Variants in ARHGEF33 observed in about 807,000 individuals in gnomAD.
The protein encoded by ARHGEF33 is Rho guanine nucleotide exchange factor 33, also known as DH and coiled-coil domain-containing protein ENSP00000381780.
In ARHGEF33, 72 loss-of-function variants were observed where a neutral mutation model predicts 101.9. The ratio of observed to expected loss-of-function variants is 0.71; its 90% confidence interval spans 0.58 to 0.86. The LOEUF (loss-of-function observed/expected upper bound fraction) is 0.86, where lower values mean the gene tolerates loss of function less well. Ranked by LOEUF, ARHGEF33 falls within the 40% of genes least tolerant of loss-of-function variation. ARHGEF33 has a pLI of 0.00. For missense variants in ARHGEF33, 1,169 were observed against 1,111.3 expected, an observed-to-expected ratio of 1.05 and a Z score of -0.74; for synonymous variants, 499 against 442.5, an observed-to-expected ratio of 1.13 and a Z score of -1.60.
At chr2:38,910,318 C>T (rs1666480983) in intron 2 of ARHGEF33, among the ~76,000 whole-genome samples, 1 of 152,174 alleles carries the variant, frequency 6.6e-6, no homozygotes, top group Non-Finnish European at 1.5e-5. Flanking sequence ...TGCCTGTAAT[C>T]CTAGCACTTT....
intron 2 of ARHGEF33, among the ~76,000 whole-genome samples, chr2:38,896,297 C>G (rs944413975): frequency 2.6e-5 from 4 of 152,128 alleles, no homozygotes; most frequent in African/African-American, 9.7e-5. Context: ...CGCCACCATG[C>G]CCAGCTAATT....
At chr2:38,925,126 T>C (rs1666843035) in intron 4 of ARHGEF33, among the ~76,000 whole-genome samples, 1 of 152,188 alleles carries the variant, frequency 6.6e-6, no homozygotes, top group Admixed American at 6.5e-5. Flanking sequence ...TTCAAGCATA[T>C]AAACATCTGC....
At chr2:38,944,896 TGTGTGC>T (rs1243880915) in intron 10 of ARHGEF33, among the ~76,000 whole-genome samples, 2 of 151,796 alleles carry the variant, frequency 1.3e-5, no homozygotes, top group Non-Finnish European at 2.9e-5. Flanking sequence ...TGTGTGTGTG[TGTGTGC>T]GCGCTCATAG....
In ARHGEF33 at chr2:38,951,127, G is replaced by GT. The variant is rs777989444; in HGVS notation, c.1053+12dup. ...TTAAGTTAACAAATGACGAGGTAAG[G>GT]TTTTTTCTGCCCCTCTATACATTTT... On this transcript the variant is annotated splice_region_variant and intron_variant, in intron 11 of 17. Transcript: ENST00000409978. 2.1e-5 allele frequency: 32 copies of GT among 1,551,232 alleles called. 1 individual carries two copies. The South Asian group carries it at 2.1e-4, about 10-fold the overall frequency.
chr2:38,895,600 G>C lies in ARHGEF33; in HGVS notation c.-158-177G>C, dbSNP rs181303652. Among the ~76,000 whole-genome samples the C allele has an allele frequency of 2.2e-3, 331 of 152,116 alleles. 1 individual carries two copies. The highest frequency in any genetic ancestry group is 7.3e-3 in the African/African-American group (303 of 41,520). ...TGACTTAAAAATTAAAAGACTAAAA[G>C]AAACAAAGACTTTTACTTTTTTACT... On this transcript the variant is annotated intron_variant, in intron 1 of 17. Coordinates refer to ENST00000409978, the MANE Select transcript of ARHGEF33 (RefSeq NM_001145451.5).
chr2:38,928,150 G>T (rs1666914834), intron 4 of ARHGEF33, among the ~76,000 whole-genome samples: 1 of 152,124 alleles, frequency 6.6e-6, no homozygotes, highest in Non-Finnish European at 1.5e-5. Context: ...CATGCCTAAG[G>T]TCCTAGTACT....
intron 2 of ARHGEF33, among the ~76,000 whole-genome samples, chr2:38,902,173 C>G (rs1358630609): frequency 6.6e-6 from 1 of 150,904 alleles, no homozygotes; most frequent in Non-Finnish European, 1.5e-5. Context: ...TAGCATGGTT[C>G]TTGGTGTTGC....
intron 4 of ARHGEF33, among the ~76,000 whole-genome samples, chr2:38,927,469 G>T (rs1249846681): frequency 6.6e-6 from 1 of 152,244 alleles, no homozygotes; most frequent in African/African-American, 2.4e-5. Flanking sequence ...GCCAAGAAGG[G>T]TGGATCACCT....
intron 6 of ARHGEF33, among the ~76,000 whole-genome samples, chr2:38,930,326 G>T: frequency 6.6e-6 from 1 of 151,026 alleles, no homozygotes; most frequent in South Asian, 2.1e-4. Flanking sequence ...TACTTATTTG[G>T]TTTTCTTTTT....
intron 16 of ARHGEF33, among the ~76,000 whole-genome samples, chr2:38,963,641 C>G (rs1378779901): frequency 7.2e-5 from 11 of 152,202 alleles, no homozygotes; most frequent in South Asian, 2.1e-4. Context: ...TTCCTTAAAC[C>G]ATTAATAGAT....
At chr2:38,911,674 T>A (rs1279309991) in intron 2 of ARHGEF33, among the ~76,000 whole-genome samples, 1 of 152,212 alleles carries the variant, frequency 6.6e-6, no homozygotes, top group African/African-American at 2.4e-5. Context: ...TATCAATAAT[T>A]TTAGAACCTT....
chr2:38,964,677 A>G (rs1178701651), intron 16 of ARHGEF33, among the ~76,000 whole-genome samples: 9 of 151,986 alleles, frequency 5.9e-5, no homozygotes, highest in East Asian at 5.8e-4. Context: ...GGGAGCGGCT[A>G]TAAATACAGA....
intron 2 of ARHGEF33, among the ~76,000 whole-genome samples, chr2:38,902,316 C>T (rs1666267365): frequency 6.6e-6 from 1 of 152,102 alleles, no homozygotes; most frequent in African/African-American, 2.4e-5. Context: ...GGCATCTGAC[C>T]TGACAGCCAT....
chr2:38,919,521 T>C (rs1666710014), intron 3 of ARHGEF33, 49 bp downstream of exon 3: 2 of 1,543,258 alleles, frequency 1.3e-6, no homozygotes, highest in South Asian at 1.2e-5. Context: ...TCAAGGAATG[T>C]AGGTTTTTGT....
chr2:38,929,112 G>A (rs1179126859), intron 5 of ARHGEF33, 41 bp downstream of exon 5: 1 of 1,500,516 alleles, frequency 6.7e-7, no homozygotes. Flanking sequence ...AGAGAATTTT[G>A]GTCTCAGTAA....
chr2:38,919,857 T>G (rs1315362532), intron 3 of ARHGEF33, among the ~76,000 whole-genome samples: 1 of 152,222 alleles, frequency 6.6e-6, no homozygotes, highest in African/African-American at 2.4e-5. Context: ...ATCTCCAATT[T>G]ACGGAAGAGG....
At chr2:38,953,100 A>G (rs1285383805) in intron 11 of ARHGEF33, 62 bp from the exon 12 acceptor site, 1 of 785,456 alleles carries the variant, frequency 1.3e-6, no homozygotes, top group Non-Finnish European at 2.2e-6. Context: ...ATATGACTCT[A>G]TAAAAATATT....
chr2:38,948,869 A>T (rs1667517828), intron 10 of ARHGEF33, among the ~76,000 whole-genome samples: 2 of 152,156 alleles, frequency 1.3e-5, no homozygotes, highest in Non-Finnish European at 2.9e-5. Context: ...CCCAGTCAGT[A>T]TACCCCGTAG....
intron 2 of ARHGEF33, among the ~76,000 whole-genome samples, chr2:38,899,641 A>G (rs1428026892): frequency 6.6e-6 from 1 of 152,304 alleles, no homozygotes; most frequent in Non-Finnish European, 1.5e-5. Context: ...GATCTATTGC[A>G]TAACAGGCTG....
Sources: allele counts gnomAD v4.1 joint callset (sites outside exome capture counted in the v4.1 genomes callset), GRCh38; gene constraint gnomAD v4.1.1; transcripts MANE v1.5; gene names NCBI Gene and HGNC (gene_info 2026-07-23, HGNC 2026-07-21).